The following PTPRQ variants were observed in gnomAD, a reference collection of about 807,000 sequenced individuals.
PTPRQ encodes the protein protein tyrosine phosphatase receptor type Q.
Under a neutral mutation model 246.0 loss-of-function variants are expected in PTPRQ, and 199 were observed. The observed-to-expected ratio is 0.81, with a 90% CI of 0.72 to 0.91. The LOEUF (loss-of-function observed/expected upper bound fraction) is 0.91. Among genes scored for constraint, PTPRQ ranks in the 40% least tolerant of loss-of-function variants. The pLI, the probability that PTPRQ is intolerant of heterozygous loss-of-function variation, is 0.00. For synonymous variants in PTPRQ, 869 were observed against 853.2 expected, an observed-to-expected ratio of 1.02 and a Z score of -0.32; for missense variants, 2,624 against 2,528.4, an observed-to-expected ratio of 1.04 and a Z score of -0.81.
At chr12:80,509,743 G>A (rs533103863) in intron 16 of PTPRQ, among the ~76,000 whole-genome samples, 22 of 152,090 alleles carry the variant, frequency 1.4e-4, no homozygotes, top group South Asian at 1.2e-3. Context: ...TCTTATTTAC[G>A]TGCTACATTG....
At chr12:80,514,047 A>T (rs1895204062) in intron 17 of PTPRQ, among the ~76,000 whole-genome samples, 1 of 152,128 alleles carries the variant, frequency 6.6e-6, no homozygotes, top group African/African-American at 2.4e-5. Flanking sequence ...TCTTCTTTAC[A>T]CTGGGATTTC....
At chr12:80,624,725 G>T (rs913912536) in intron 33 of PTPRQ, among the ~76,000 whole-genome samples, 1 of 152,066 alleles carries the variant, frequency 6.6e-6, no homozygotes, top group Non-Finnish European at 1.5e-5. Context: ...CACTTTCATA[G>T]GTCAAGAAAC....
At chr12:80,448,588 T>C (rs1892632024) in intron 3 of PTPRQ, among the ~76,000 whole-genome samples, 1 of 150,686 alleles carries the variant, frequency 6.6e-6, no homozygotes, top group African/African-American at 2.4e-5. Flanking sequence ...TGTGTTCTCA[T>C]TGTTCAATTC....
At chr12:80,663,685 C>T (rs567565016) in intron 39 of PTPRQ, among the ~76,000 whole-genome samples, 7 of 151,886 alleles carry the variant, frequency 4.6e-5, no homozygotes, top group Non-Finnish European at 7.4e-5. Context: ...GACCCATAGC[C>T]CTGCTCATCA....
At chr12:80,449,471 A>G (rs1892672177) in intron 3 of PTPRQ, among the ~76,000 whole-genome samples, 1 of 152,184 alleles carries the variant, frequency 6.6e-6, no homozygotes, top group African/African-American at 2.4e-5. Flanking sequence ...CCTGAATGGT[A>G]ATGCCTAGGT....
rs758331777 is a variant in PTPRQ, at chr12:80,541,644, G to T, written c.3244G>T (p.Gly1082Cys). Residue 1082 changes from glycine to cysteine, a missense_variant, in exon 21 of 45, where the codon GGT (glycine) becomes TGT (cysteine). Coordinates refer to ENST00000644991, the MANE Select transcript of PTPRQ (RefSeq NM_001145026.2). ...VSWVPPAQPN[G>C]LVFYYVSLIL... ...CTGGGTCCCACCGGCTCAACCAAAC[G>T]GTCTAGTCTTCTACTATGTTTCACT... The T allele has an allele frequency of 1.3e-6, 2 of 1,549,460 alleles. No individual in the cohort carries two copies. The highest frequency in any genetic ancestry group is 3.9e-5 in the Admixed American group (2 of 50,894).
intron 26 of PTPRQ, among the ~76,000 whole-genome samples, chr12:80,602,443 T>C (rs894412685): frequency 2.0e-5 from 3 of 151,888 alleles, no homozygotes; most frequent in Admixed American, 6.6e-5. Context: ...TTTGTAAGAA[T>C]AGACATTTGT....
At chr12:80,514,220 G>T (rs1310652255) in intron 17 of PTPRQ, among the ~76,000 whole-genome samples, 1 of 151,378 alleles carries the variant, frequency 6.6e-6, no homozygotes, top group Non-Finnish European at 1.5e-5. Context: ...TCCTTCTTCC[G>T]TATACTCTTT....
intron 8 of PTPRQ, among the ~76,000 whole-genome samples, chr12:80,484,104 C>G (rs1483227254): frequency 1.3e-5 from 2 of 152,018 alleles, no homozygotes; most frequent in Admixed American, 1.3e-4. Flanking sequence ...CTCTTGGGTT[C>G]AAGCAATTCT....
In PTPRQ at chr12:80,539,829, A is replaced by G. The variant is rs1439379764; in HGVS notation, c.3039A>G (p.Thr1013=). 1.3e-6 allele frequency: 2 copies of G among 1,548,208 alleles called. No homozygotes were observed. Among genetic ancestry groups the G allele is most frequent in the Non-Finnish European group, 1.7e-6 (2 of 1,145,700 alleles). ...TNDFDNMTVS[T]IIDKLTIFSY... is the part of the protein sequence containing the mutation. ...ACTTTGACAATATGACTGTATCCAC[A>G]ATTATAGATAAACTGACAATATTCA... Residue 1013 remains threonine (T), a synonymous_variant, in exon 20 of 45, where the codon ACA becomes ACG. Coordinates refer to ENST00000644991, the MANE Select transcript of PTPRQ (RefSeq NM_001145026.2).
chr12:80,448,483 C>A (rs1202161318), intron 3 of PTPRQ, among the ~76,000 whole-genome samples: 1 of 152,010 alleles, frequency 6.6e-6, no homozygotes, highest in African/African-American at 2.4e-5. Context: ...ACTAACTCGT[C>A]ATCTAGAATT....
intron 3 of PTPRQ, among the ~76,000 whole-genome samples, chr12:80,449,219 G>T (rs1462354669): frequency 6.6e-6 from 1 of 151,264 alleles, no homozygotes; most frequent in Non-Finnish European, 1.5e-5. Flanking sequence ...TTTTGATGGG[G>T]TTGTTTGTTT....
chr12:80,652,397 A>G (rs1822110287), intron 37 of PTPRQ, among the ~76,000 whole-genome samples: 1 of 152,116 alleles, frequency 6.6e-6, no homozygotes, highest in African/African-American at 2.4e-5. Flanking sequence ...CCCTTTTCCT[A>G]CTAAGTAGAC....
chr12:80,570,681 T>C (rs1431782154), intron 25 of PTPRQ, among the ~76,000 whole-genome samples: 1 of 152,204 alleles, frequency 6.6e-6, no homozygotes, highest in Admixed American at 6.5e-5. Context: ...TGAATGGTAT[T>C]GTGTAAGGTT....
At chr12:80,642,783 A>G (rs908503290) in intron 35 of PTPRQ, among the ~76,000 whole-genome samples, 13 of 149,630 alleles carry the variant, frequency 8.7e-5, no homozygotes, top group East Asian at 2.0e-4. Context: ...AGCCGGGCGT[A>G]GTGGCGGGCG....
intron 33 of PTPRQ, among the ~76,000 whole-genome samples, chr12:80,627,932 C>T (rs1465986036): frequency 6.6e-6 from 1 of 152,014 alleles, no homozygotes; most frequent in Non-Finnish European, 1.5e-5. Context: ...TTTTGTAATT[C>T]ATGTGCCCAA....
Position 80,467,896 on chromosome 12 carries a change from T to C in PTPRQ, c.911-814T>C, listed in dbSNP as rs563762116. On this transcript the variant is annotated intron_variant, in intron 6 of 44. Transcript: ENST00000644991. ...GGGGGAGGTATAGCTTTAGGAGTTATACCTAATGCTAAATGACGAGTTAAT... is the reference window on the plus strand; with the variant it reads ...GGGGGAGGTATAGCTTTAGGAGTTACACCTAATGCTAAATGACGAGTTAAT... Among the ~76,000 whole-genome samples the C allele has an allele frequency of 3.2e-3, 488 of 152,230 alleles. 6 individuals are homozygous for C. The highest frequency in any genetic ancestry group is 0.011 in the African/African-American group (449 of 41,500).
intron 26 of PTPRQ, among the ~76,000 whole-genome samples, chr12:80,590,493 C>G (rs1897758301): frequency 6.6e-6 from 1 of 151,764 alleles, no homozygotes; most frequent in South Asian, 2.1e-4. Context: ...TGGTGAAACC[C>G]CGTCTCTACT....
At position 80,655,336 on chromosome 12, in the gene PTPRQ, C is replaced by T. The variant is rs914200375; in HGVS notation, c.6115+2502C>T. Among the ~76,000 whole-genome samples, 3 of 152,086 alleles carry T rather than the reference C, an allele frequency of 2.0e-5. No individual in the cohort carries two copies. In the East Asian group the frequency reaches 5.8e-4, roughly 29 times the overall value. On this transcript the variant is annotated intron_variant, in intron 38 of 44. Transcript: ENST00000644991. ...AATTAGATGAAATAATCATGTAAAT[C>T]GCTTTGCCCAGTATTGGAACACAGG...
Sources: gnomAD v4.1 joint callset for allele counts (sites outside exome capture counted in the v4.1 genomes callset) on GRCh38, gnomAD v4.1.1 for gene constraint, MANE v1.5 for transcripts, NCBI Gene and HGNC (gene_info 2026-07-23, HGNC 2026-07-21) for gene names.